GALNT13: variants seen among roughly 807,000 people sequenced by gnomAD.
The protein encoded by GALNT13 is polypeptide N-acetylgalactosaminyltransferase 13, also known as UDP-GalNAc:polypeptide N-acetylgalactosaminyltransferase 13.
Under a neutral mutation model 64.2 loss-of-function variants are expected in GALNT13, and 28 were observed. The ratio of observed to expected loss-of-function variants is 0.44; its 90% CI spans 0.32 to 0.60. The LOEUF is 0.60. Ranked by LOEUF, GALNT13 falls within the 20% of genes least tolerant of loss-of-function variation. The pLI is 0.05. For missense variants in GALNT13, 577 were observed against 669.8 expected (o/e 0.86, Z 1.53); for synonymous variants, 214 against 224.6 (o/e 0.95, Z 0.42).
At chr2:153,573,473 T>C in the GALNT13 span, among the ~76,000 whole-genome samples, 17 of 152,022 alleles carry the variant, frequency 1.1e-4, no homozygotes, top group Non-Finnish European at 2.1e-4. Flanking sequence ...AAGGACTTCT[T>C]TCTGCTGTTT....
At chr2:154,389,096 T>C (rs147777224) in intron 9 of GALNT13, among the ~76,000 whole-genome samples, 1 of 152,182 alleles carries the variant, frequency 6.6e-6, no homozygotes, top group Non-Finnish European at 1.5e-5. Context: ...ATAACTTTGA[T>C]TTGCTTAAGC....
the GALNT13 span, among the ~76,000 whole-genome samples, chr2:153,434,487 A>C: frequency 3.9e-5 from 6 of 152,060 alleles, no homozygotes; most frequent in Non-Finnish European, 7.4e-5. Flanking sequence ...CCTCTCCAGC[A>C]CCTGTTGTTT....
At chr2:153,926,752 C>T (rs11689983) in intron 2 of GALNT13, among the ~76,000 whole-genome samples, 30,724 of 152,048 alleles carry the variant, frequency 0.2, 4,076 homozygotes, top group Middle Eastern at 0.33. Context: ...CATGTACTCA[C>T]GTACACATCG....
chr2:153,503,315 G>C, the GALNT13 span, among the ~76,000 whole-genome samples: 1 of 152,158 alleles, frequency 6.6e-6, no homozygotes, highest in Non-Finnish European at 1.5e-5. Context: ...AATTATCCTA[G>C]CACCATTTGT....
the GALNT13 span, among the ~76,000 whole-genome samples, chr2:153,376,071 G>A: frequency 6.6e-6 from 1 of 152,058 alleles, no homozygotes; most frequent in Admixed American, 6.6e-5. Context: ...TCTTCATGAA[G>A]GATCTGTCCC....
chr2:153,378,946 G>T, the GALNT13 span, among the ~76,000 whole-genome samples: 1 of 151,998 alleles, frequency 6.6e-6, no homozygotes, highest in Admixed American at 6.6e-5. Flanking sequence ...TTTTTTTGGT[G>T]TTTCCTCTTA....
At chr2:153,759,830 A>T in the GALNT13 span, among the ~76,000 whole-genome samples, 6 of 152,114 alleles carry the variant, frequency 3.9e-5, no homozygotes, top group African/African-American at 1.4e-4. Flanking sequence ...ACCCTCATAA[A>T]AAAAAAATTG....
At chr2:153,281,471 A>G in the GALNT13 span, among the ~76,000 whole-genome samples, 499 of 152,228 alleles carry the variant, frequency 3.3e-3, 3 homozygotes, top group Middle Eastern at 0.01. Flanking sequence ...TGGCTGCTCT[A>G]TAATGTCTTG....
At chr2:153,100,362 C>T in the GALNT13 span, among the ~76,000 whole-genome samples, 1 of 152,196 alleles carries the variant, frequency 6.6e-6, no homozygotes, top group Non-Finnish European at 1.5e-5. Flanking sequence ...CCTTTCTTAT[C>T]AGCACAGGGA....
chr2:153,076,976 G>T, the GALNT13 span, among the ~76,000 whole-genome samples: 1 of 151,434 alleles, frequency 6.6e-6, no homozygotes, highest in Non-Finnish European at 1.5e-5. Context: ...TTTTTAGACA[G>T]AGTCTTGCTC....
chr2:153,099,148 T>A, the GALNT13 span, among the ~76,000 whole-genome samples: 1 of 152,026 alleles, frequency 6.6e-6, no homozygotes, highest in Non-Finnish European at 1.5e-5. Flanking sequence ...AATAATAACA[T>A]AGTTTTCCTT....
the GALNT13 span, among the ~76,000 whole-genome samples, chr2:153,779,161 G>A: frequency 6.6e-6 from 1 of 152,004 alleles, no homozygotes; most frequent in Non-Finnish European, 1.5e-5. Flanking sequence ...CACATATCCA[G>A]GACAATATAT....
At chr2:153,538,547 C>A in the GALNT13 span, among the ~76,000 whole-genome samples, 1 of 64,774 alleles carries the variant, frequency 1.5e-5, no homozygotes, top group African/African-American at 6.6e-5. Context: ...CCCCCTCCCC[C>A]CACCCCACAA....
chr2:154,022,755 T>A (rs908780173), intron 3 of GALNT13, among the ~76,000 whole-genome samples: 1 of 152,184 alleles, frequency 6.6e-6, no homozygotes, highest in African/African-American at 2.4e-5. Context: ...ATGTGTTTGC[T>A]CTTGCTTTTC....
At chr2:153,732,793 C>T in the GALNT13 span, among the ~76,000 whole-genome samples, 1 of 151,980 alleles carries the variant, frequency 6.6e-6, no homozygotes, top group African/African-American at 2.4e-5. Flanking sequence ...GACTTTGGAT[C>T]TCAAGAAAAG....
At chr2:153,966,239 T>TC (rs1385110518) in intron 3 of GALNT13, among the ~76,000 whole-genome samples, 41 of 147,212 alleles carry the variant, frequency 2.8e-4, no homozygotes, top group Non-Finnish European at 5.3e-4. Flanking sequence ...TTTTTTTTTT[T>TC]ACTTTAGCAT....
At chr2:153,403,678 G>C in the GALNT13 span, among the ~76,000 whole-genome samples, 1 of 152,204 alleles carries the variant, frequency 6.6e-6, no homozygotes, top group Non-Finnish European at 1.5e-5. Flanking sequence ...TCGGGTGGGA[G>C]TGACCTGATT....
intron 3 of GALNT13, among the ~76,000 whole-genome samples, chr2:154,133,259 T>G (rs1034172003): frequency 6.6e-6 from 1 of 152,032 alleles, no homozygotes; most frequent in African/African-American, 2.4e-5. Context: ...TACAAAATAT[T>G]ATTTTTATTA....
At chr2:153,092,475 T>C in the GALNT13 span, among the ~76,000 whole-genome samples, 2 of 152,188 alleles carry the variant, frequency 1.3e-5, no homozygotes, top group Admixed American at 6.5e-5. Flanking sequence ...TCCAAGAATG[T>C]GGAATATTTT....
Sources: allele counts gnomAD v4.1 joint callset (sites outside exome capture counted in the v4.1 genomes callset), GRCh38; gene constraint gnomAD v4.1.1; transcripts MANE v1.5; gene names NCBI Gene and HGNC (gene_info 2026-07-23, HGNC 2026-07-21).